The following BMAL2 variants were observed in gnomAD, a reference collection of about 807,000 sequenced individuals.
The protein encoded by BMAL2 is basic helix-loop-helix ARNT-like protein 2.
At chr12:27,382,889 C>T in the BMAL2 span, among the ~76,000 whole-genome samples, 1 of 152,104 alleles carries the variant, frequency 6.6e-6, no homozygotes, top group Non-Finnish European at 1.5e-5. Flanking sequence ...TTGTAAAATA[C>T]AGTTAATTAT....
the BMAL2 span, chr12:27,420,843 T>C: frequency 4.7e-6 from 1 of 211,414 alleles, no homozygotes; most frequent in Non-Finnish European, 9.3e-6. Flanking sequence ...GTTTTATTTT[T>C]GATGCAGTTT....
the BMAL2 span, among the ~76,000 whole-genome samples, chr12:27,386,567 A>T: frequency 6.6e-6 from 1 of 152,180 alleles, no homozygotes; most frequent in South Asian, 2.1e-4. Flanking sequence ...CTTCTACCTC[A>T]ACACATCCAC....
At chr12:27,401,409 C>G in the BMAL2 span, 1 of 1,557,438 alleles carries the variant, frequency 6.4e-7, no homozygotes, top group Non-Finnish European at 8.8e-7. Context: ...TTTAAAATGA[C>G]AGTTTTAACT....
the BMAL2 span, among the ~76,000 whole-genome samples, chr12:27,352,510 C>T: frequency 1.4e-4 from 22 of 152,284 alleles, no homozygotes; most frequent in South Asian, 8.3e-4. Flanking sequence ...TGGAACAAGG[C>T]GAGGATGCCC....
chr12:27,422,887 G>C, the BMAL2 span: 1 of 152,188 alleles, frequency 6.6e-6, no homozygotes, highest in Non-Finnish European at 1.5e-5. Context: ...CGTGATGCCA[G>C]GATTTGAGAG....
chr12:27,375,370 C>A, the BMAL2 span, among the ~76,000 whole-genome samples: 1 of 152,114 alleles, frequency 6.6e-6, no homozygotes, highest in Non-Finnish European at 1.5e-5. Context: ...ACTATTTAAT[C>A]ATTTCAAATT....
the BMAL2 span, among the ~76,000 whole-genome samples, chr12:27,351,686 C>T: frequency 1.3e-5 from 2 of 152,188 alleles, no homozygotes; most frequent in Non-Finnish European, 1.5e-5. Context: ...TTTAGCCTGC[C>T]TCACCTGTTC....
At chr12:27,380,158 G>C in the BMAL2 span, 1 of 1,328,162 alleles carries the variant, frequency 7.5e-7, no homozygotes, top group Non-Finnish European at 1.1e-6. Context: ...TGTGCCTGCT[G>C]GGCTCAGCAT....
At chr12:27,352,421 T>C in the BMAL2 span, among the ~76,000 whole-genome samples, 1 of 152,140 alleles carries the variant, frequency 6.6e-6, no homozygotes, top group African/African-American at 2.4e-5. Context: ...TACCTCAAAA[T>C]AGTAAGAGCC....
the BMAL2 span, among the ~76,000 whole-genome samples, chr12:27,418,781 C>A: frequency 6.6e-6 from 1 of 151,898 alleles, no homozygotes; most frequent in African/African-American, 2.4e-5. Context: ...AGTTCGAGAC[C>A]AGCCTTGCCA....
chr12:27,398,639 A>T, the BMAL2 span, among the ~76,000 whole-genome samples: 3 of 152,214 alleles, frequency 2.0e-5, no homozygotes, highest in Non-Finnish European at 4.4e-5. Flanking sequence ...AAATTTGCCA[A>T]CTGAATAAAT....
At chr12:27,344,977 C>T in the BMAL2 span, among the ~76,000 whole-genome samples, 69,236 of 151,942 alleles carry the variant, frequency 0.46, 15,981 homozygotes, top group Admixed American at 0.52. Context: ...ACAGTAGTGA[C>T]GTCGTCCTCA....
At chr12:27,365,320 G>A in the BMAL2 span, among the ~76,000 whole-genome samples, 1 of 151,950 alleles carries the variant, frequency 6.6e-6, no homozygotes, top group East Asian at 1.9e-4. Context: ...GCATCCCTAG[G>A]ATGAAACTTA....
At chr12:27,362,034 A>C in the BMAL2 span, among the ~76,000 whole-genome samples, 1 of 152,112 alleles carries the variant, frequency 6.6e-6, no homozygotes, top group Non-Finnish European at 1.5e-5. Context: ...CAAAAAAAAA[A>C]AAATCTTCGT....
the BMAL2 span, among the ~76,000 whole-genome samples, chr12:27,366,508 A>T: frequency 6.6e-6 from 1 of 152,224 alleles, no homozygotes; most frequent in South Asian, 2.1e-4. Context: ...AACTTTTTAT[A>T]TGCATTTTAA....
the BMAL2 span, among the ~76,000 whole-genome samples, chr12:27,347,251 A>G: frequency 1.3e-5 from 2 of 152,190 alleles, no homozygotes; most frequent in Admixed American, 6.5e-5. Context: ...TGATATGGCT[A>G]TTTTATGTAC....
At chr12:27,374,846 T>C in the BMAL2 span, among the ~76,000 whole-genome samples, 3 of 152,186 alleles carry the variant, frequency 2.0e-5, no homozygotes, top group African/African-American at 7.2e-5. Context: ...GGGGTAGTAA[T>C]AACTTCACCA....
chr12:27,385,497 T>G, the BMAL2 span: 1 of 1,606,890 alleles, frequency 6.2e-7, no homozygotes, highest in East Asian at 2.2e-5. Context: ...CAAATTCTTA[T>G]GTGGGAAGTA....
chr12:27,333,016 G>C, the BMAL2 span: 2 of 1,168,074 alleles, frequency 1.7e-6, no homozygotes, highest in Non-Finnish European at 2.1e-6. Context: ...GGGCGGGCCC[G>C]GGGCTCCTCC....
Sources: gnomAD v4.1 joint callset for allele counts (sites outside exome capture counted in the v4.1 genomes callset) on GRCh38, gnomAD v4.1.1 for gene constraint, MANE v1.5 for transcripts, NCBI Gene and HGNC (gene_info 2026-07-23, HGNC 2026-07-21) for gene names.